GPC5: variants seen among roughly 807,000 people sequenced by gnomAD.
GPC5 encodes the protein glypican 5.
Under a neutral mutation model 53.9 loss-of-function variants are expected in GPC5, and 47 were observed. The observed-to-expected ratio is 0.87, with a 90% confidence interval of 0.69 to 1.11. GPC5 has a LOEUF of 1.11. GPC5 is among the 50% of genes most tolerant of loss of function. GPC5 has a pLI of 0.00. For missense variants in GPC5, 748 were observed against 713.1 expected (o/e 1.05, Z -0.56); for synonymous variants, 286 against 263.3 (o/e 1.09, Z -0.84).
chr13:92,030,859 C>G (rs536151100), intron 6 of GPC5, among the ~76,000 whole-genome samples: 2 of 152,322 alleles, frequency 1.3e-5, no homozygotes, highest in East Asian at 3.9e-4. Flanking sequence ...TTAACAGGAA[C>G]CTCTCTCGCT....
At chr13:91,837,456 T>G (rs1366430414) in intron 5 of GPC5, among the ~76,000 whole-genome samples, 2 of 152,094 alleles carry the variant, frequency 1.3e-5, no homozygotes, top group Non-Finnish European at 2.9e-5. Context: ...AGTCTGGGAC[T>G]GCTGCAGGAA....
At chr13:92,558,598 GTC>G (rs1170257672) in intron 7 of GPC5, among the ~76,000 whole-genome samples, 2 of 151,886 alleles carry the variant, frequency 1.3e-5, no homozygotes, top group Non-Finnish European at 2.9e-5. Flanking sequence ...AATCTCCAAT[GTC>G]TCTGAAATCA....
chr13:92,470,042 A>G (rs2139420590), intron 7 of GPC5, among the ~76,000 whole-genome samples: 1 of 152,278 alleles, frequency 6.6e-6, no homozygotes, highest in South Asian at 2.1e-4. Context: ...GTATTATAGA[A>G]CTGGAACAAC....
rs2043496515 is a variant in GPC5 at position 92,353,322 on chromosome 13, C to CTT, written c.1561+208333_1561+208334insTT. On this transcript the variant is annotated intron_variant, in intron 7 of 7. Transcript: ENST00000377067. ...AGTGGGAGACTTGATGAAGTAACTGCCAGATAGTCATACGATGATACGAGT... is the reference window on the plus strand; with the variant it reads ...AGTGGGAGACTTGATGAAGTAACTGCTTCAGATAGTCATACGATGATACGAGT... Among the ~76,000 whole-genome samples, 3 of 149,270 alleles carry CTT rather than the reference C, an allele frequency of 2.0e-5. No homozygotes were observed. In the East Asian group the frequency reaches 5.9e-4, roughly 29 times the overall value.
chr13:92,100,649 C>G (rs7337459), intron 6 of GPC5, among the ~76,000 whole-genome samples: 445 of 152,246 alleles, frequency 2.9e-3, no homozygotes, highest in African/African-American at 0.01. Flanking sequence ...TTGGATCACA[C>G]ATTGCTACTT....
chr13:91,507,123 A>C (rs1292686556), intron 2 of GPC5, among the ~76,000 whole-genome samples: 4 of 152,146 alleles, frequency 2.6e-5, no homozygotes, highest in Non-Finnish European at 5.9e-5. Context: ...TAAACAACAC[A>C]GATTTACTTC....
At chr13:91,567,054 G>T (rs138727535) in intron 2 of GPC5, among the ~76,000 whole-genome samples, 3 of 150,974 alleles carry the variant, frequency 2.0e-5, no homozygotes, top group East Asian at 2.0e-4. Context: ...TGTTTCCATT[G>T]GCTCCCATCA....
chr13:91,464,115 T>C (rs769207526), intron 2 of GPC5, among the ~76,000 whole-genome samples: 48 of 152,176 alleles, frequency 3.2e-4, no homozygotes, highest in Non-Finnish European at 2.5e-4. Context: ...AGATGACAAC[T>C]AAGTACATGA....
chr13:91,732,441 G>A (rs9583958), intron 4 of GPC5, among the ~76,000 whole-genome samples: 1,764 of 151,922 alleles, frequency 0.012, 40 homozygotes, highest in African/African-American at 0.041. Flanking sequence ...CAGATGGGTG[G>A]ATTGCAAAAA....
chr13:92,463,030 C>A (rs918098365), intron 7 of GPC5, among the ~76,000 whole-genome samples: 1 of 152,122 alleles, frequency 6.6e-6, no homozygotes, highest in Non-Finnish European at 1.5e-5. Flanking sequence ...TTCCTATTTG[C>A]AGTGCCAGAA....
At chr13:92,557,455 T>G (rs1361674797) in intron 7 of GPC5, among the ~76,000 whole-genome samples, 2 of 151,942 alleles carry the variant, frequency 1.3e-5, no homozygotes, top group Non-Finnish European at 2.9e-5. Context: ...CTAATTGGAA[T>G]CTCATTGTCT....
chr13:91,870,306 C>A (rs906542060), intron 5 of GPC5, among the ~76,000 whole-genome samples: 1 of 152,108 alleles, frequency 6.6e-6, no homozygotes, highest in Non-Finnish European at 1.5e-5. Flanking sequence ...ATTGCCTGAA[C>A]AAATGACAGC....
At chr13:91,679,872 G>C (rs1385071066) in intron 2 of GPC5, among the ~76,000 whole-genome samples, 2 of 151,676 alleles carry the variant, frequency 1.3e-5, no homozygotes, top group African/African-American at 4.8e-5. Context: ...CTCTCTCAAT[G>C]AAAGATACTT....
intron 7 of GPC5, among the ~76,000 whole-genome samples, chr13:92,189,529 A>G (rs1445739328): frequency 6.6e-6 from 1 of 152,080 alleles, no homozygotes; most frequent in African/African-American, 2.4e-5. Flanking sequence ...ATGCCACTAC[A>G]TTACTGAAGG....
intron 6 of GPC5, among the ~76,000 whole-genome samples, chr13:91,939,077 G>GT (rs2039900251): frequency 6.6e-6 from 1 of 151,502 alleles, no homozygotes. Context: ...CCTGTTTTTT[G>GT]TTTTTGCCTT....
At chr13:92,610,108 CA>C (rs1158695920) in intron 7 of GPC5, among the ~76,000 whole-genome samples, 2 of 147,206 alleles carry the variant, frequency 1.4e-5, no homozygotes. Flanking sequence ...ACTTTGTGTT[CA>C]AAGATTTTTT....
intron 7 of GPC5, among the ~76,000 whole-genome samples, chr13:92,394,352 T>C (rs1875161389): frequency 6.6e-6 from 1 of 152,094 alleles, no homozygotes; most frequent in Non-Finnish European, 1.5e-5. Flanking sequence ...CCTAAAGTGA[T>C]AGTGTAGGAA....
chr13:92,345,305 A>G (rs2043401494), intron 7 of GPC5, among the ~76,000 whole-genome samples: 1 of 152,196 alleles, frequency 6.6e-6, no homozygotes, highest in Non-Finnish European at 1.5e-5. Context: ...TAAAAATATA[A>G]AAGACAGATT....
At chr13:92,286,969 G>T (rs1214486704) in intron 7 of GPC5, among the ~76,000 whole-genome samples, 1 of 152,104 alleles carries the variant, frequency 6.6e-6, no homozygotes, top group Non-Finnish European at 1.5e-5. Flanking sequence ...ATGGCCATAT[G>T]CAAGCCAACG....
Sources: allele counts gnomAD v4.1 joint callset (sites outside exome capture counted in the v4.1 genomes callset), GRCh38; gene constraint gnomAD v4.1.1; transcripts MANE v1.5; gene names NCBI Gene and HGNC (gene_info 2026-07-23, HGNC 2026-07-21).